STAG1: variants seen among roughly 807,000 people sequenced by gnomAD.
STAG1 encodes cohesin subunit SA-1.
Under a neutral mutation model 170.9 loss-of-function variants are expected in STAG1, and 26 were observed. The ratio of observed to expected loss-of-function variants is 0.15; its 90% CI spans 0.11 to 0.21. The LOEUF (loss-of-function observed/expected upper bound fraction) is 0.21, where lower values mean the gene tolerates loss of function less well. STAG1 is among the 10% of genes least tolerant of loss of function. STAG1 has a pLI of 1.00. For synonymous variants in STAG1, 514 were observed against 497.7 expected (o/e 1.03, Z -0.44); for missense variants, 964 against 1,509.5 (o/e 0.64, Z 5.99).
chr3:136,640,825 C>A (rs1940765746), intron 1 of STAG1, among the ~76,000 whole-genome samples: 1 of 149,326 alleles, frequency 6.7e-6, no homozygotes, highest in African/African-American at 2.5e-5. Flanking sequence ...GGCGCCCGCC[C>A]CAACATGCCC....
At chr3:136,720,439 CT>C (rs1933174828) in intron 1 of STAG1, among the ~76,000 whole-genome samples, 1 of 152,292 alleles carries the variant, frequency 6.6e-6, no homozygotes, top group East Asian at 1.9e-4. Context: ...CCCAGATCTG[CT>C]ATAGTGAAGA....
chr3:136,745,843 A>C (rs1302542647), intron 1 of STAG1, among the ~76,000 whole-genome samples: 1 of 152,204 alleles, frequency 6.6e-6, no homozygotes, highest in East Asian at 1.9e-4. Flanking sequence ...ACAAACAAAC[A>C]AAACAAACCT....
chr3:136,509,638 T>C (rs887686629), intron 7 of STAG1, among the ~76,000 whole-genome samples: 14 of 152,072 alleles, frequency 9.2e-5, no homozygotes, highest in Admixed American at 3.9e-4. Flanking sequence ...ATTAAAAACA[T>C]AGTGTCAAAG....
Position 136,377,412 on chromosome 3 carries a change from A to G in STAG1, c.2370+248T>C, listed in dbSNP as rs1560071006. Among the ~76,000 whole-genome samples the G allele has an allele frequency of 2.0e-5, 3 of 149,700 alleles. No homozygotes were observed. In the South Asian group the frequency reaches 6.4e-4, roughly 32 times the overall value. The stretch of plus-strand genomic sequence containing the variant: ...AAAAAAAAAAAAAAAAAAAGTCTAC[A>G]TTTCAACCTGCCCTTCCAGCTGATG... On this transcript the variant is annotated intron_variant, in intron 23 of 33. Coordinates refer to ENST00000383202, the MANE Select transcript of STAG1 (RefSeq NM_005862.3).
At chr3:136,566,047 T>C (rs1937065164) in intron 5 of STAG1, among the ~76,000 whole-genome samples, 1 of 152,164 alleles carries the variant, frequency 6.6e-6, no homozygotes, top group African/African-American at 2.4e-5. Flanking sequence ...AGTGATTACC[T>C]AACAGGTATA....
intron 1 of STAG1, among the ~76,000 whole-genome samples, chr3:136,735,328 G>A (rs1485252465): frequency 1.3e-5 from 2 of 151,924 alleles, no homozygotes; most frequent in Non-Finnish European, 1.5e-5. Flanking sequence ...GTCTTGCTAT[G>A]ATGTCCAGTC....
chr3:136,622,135 T>TAA lies in STAG1; in HGVS notation c.132+1009_132+1010dup, dbSNP rs75542452. Among the ~76,000 whole-genome samples the TAA allele has an allele frequency of 1.9e-3, 177 of 92,784 alleles. 1 individual carries two copies. Among genetic ancestry groups the TAA allele is most frequent in the African/African-American group, 5.2e-3 (113 of 21,582 alleles). The allele number at this position is 92,784 out of a possible 152,430, so 60.9% of individuals were successfully genotyped here. On this transcript the variant is annotated intron_variant, in intron 3 of 33. Coordinates refer to ENST00000383202, the MANE Select transcript of STAG1 (RefSeq NM_005862.3). ...CAACATGACGAAACCCCATCTCTAC[T>TAA]AAAAAAAAAAAAAAAAAAAAAAAGA...
At chr3:136,448,430 G>C (rs1339547926) in intron 14 of STAG1, among the ~76,000 whole-genome samples, 1 of 152,144 alleles carries the variant, frequency 6.6e-6, no homozygotes, top group African/African-American at 2.4e-5. Context: ...ATCTTACATG[G>C]TGGCAGGCAA....
At chr3:136,542,393 T>G (rs1028654978) in intron 5 of STAG1, among the ~76,000 whole-genome samples, 198 bp from the exon 6 acceptor site, 1 of 152,186 alleles carries the variant, frequency 6.6e-6, no homozygotes, top group Non-Finnish European at 1.5e-5. Context: ...AGGAAGAATT[T>G]TGAAATTGCC....
chr3:136,394,215 ATTTT>A (rs1175440303), intron 22 of STAG1, among the ~76,000 whole-genome samples: 1 of 152,212 alleles, frequency 6.6e-6, no homozygotes, highest in African/African-American at 2.4e-5. Context: ...TGAAACATGA[ATTTT>A]TAAAGTTTGC....
At chr3:136,739,973 T>C (rs1345053503) in intron 1 of STAG1, among the ~76,000 whole-genome samples, 1 of 152,178 alleles carries the variant, frequency 6.6e-6, no homozygotes, top group Non-Finnish European at 1.5e-5. Flanking sequence ...AGGATAAAGA[T>C]TGGCTGAAGT....
At chr3:136,690,160 G>A (rs1942676179) in intron 1 of STAG1, among the ~76,000 whole-genome samples, 1 of 151,806 alleles carries the variant, frequency 6.6e-6, no homozygotes, top group Non-Finnish European at 1.5e-5. Context: ...AACACAGCTG[G>A]TGGCTGAATG....
At chr3:136,721,570 G>A (rs919950837) in intron 1 of STAG1, 4 of 152,036 alleles carry the variant, frequency 2.6e-5, no homozygotes, top group Non-Finnish European at 4.4e-5. Context: ...AAATAATTTG[G>A]TTCCATTATA....
chr3:136,583,901 G>A (rs866090799), intron 4 of STAG1, among the ~76,000 whole-genome samples: 2 of 152,122 alleles, frequency 1.3e-5, no homozygotes, highest in Admixed American at 6.5e-5. Flanking sequence ...GCCCAAGACC[G>A]TCCCAGTTAA....
chr3:136,704,821 CAA>C (rs67207510), intron 1 of STAG1, among the ~76,000 whole-genome samples: 855 of 51,482 alleles, frequency 0.017, 8 homozygotes, highest in African/African-American at 0.054. Flanking sequence ...GTCCCTGTCT[CAA>C]AAAAAAAAAA....
chr3:136,371,657 G>A (rs1576399577), intron 23 of STAG1, among the ~76,000 whole-genome samples: 1 of 152,190 alleles, frequency 6.6e-6, no homozygotes, highest in African/African-American at 2.4e-5. Context: ...TCAAAGATCA[G>A]ATAGTTGTAG....
At chr3:136,363,554 T>TTA in intron 25 of STAG1, 87 bp from the exon 26 acceptor site, 24 of 329,748 alleles carry the variant, frequency 7.3e-5, no homozygotes, top group East Asian at 4.9e-4. Flanking sequence ...CCTTTGAAAA[T>TTA]GAAAAAAAAA....
intron 6 of STAG1, among the ~76,000 whole-genome samples, chr3:136,530,755 A>G (rs965725293): frequency 3.9e-5 from 6 of 152,230 alleles, no homozygotes; most frequent in African/African-American, 1.4e-4. Context: ...TGTGGGATAT[A>G]GCAAAAACTG....
chr3:136,679,894 T>C (rs1443151893), intron 1 of STAG1, among the ~76,000 whole-genome samples: 2 of 150,404 alleles, frequency 1.3e-5, no homozygotes, highest in African/African-American at 4.9e-5. Context: ...AGAGTGAGAC[T>C]CTGTCTCAGA....
Sources: gnomAD v4.1 joint callset for allele counts (sites outside exome capture counted in the v4.1 genomes callset) on GRCh38, gnomAD v4.1.1 for gene constraint, MANE v1.5 for transcripts, NCBI Gene and HGNC (gene_info 2026-07-23, HGNC 2026-07-21) for gene names.